CCSER1: variants seen among roughly 807,000 people sequenced by gnomAD.
CCSER1 encodes the protein coiled-coil serine rich protein 1.
CCSER1 carries 41 observed loss-of-function variants against 82.0 expected under a neutral mutation model. The ratio of observed to expected loss-of-function variants is 0.50; its 90% CI spans 0.39 to 0.65. The LOEUF (loss-of-function observed/expected upper bound fraction) is 0.65. CCSER1 is among the 30% of genes least tolerant of loss of function. The pLI is 0.00. For synonymous variants in CCSER1, 414 were observed against 383.9 expected (o/e 1.08, Z -0.92); for missense variants, 1,119 against 1,064.2 (o/e 1.05, Z -0.72).
At chr4:90,909,030 T>C (rs888195740) in intron 8 of CCSER1, among the ~76,000 whole-genome samples, 2 of 152,134 alleles carry the variant, frequency 1.3e-5, no homozygotes, top group African/African-American at 4.8e-5. Flanking sequence ...ATATTTCCTC[T>C]GAGGGCTCTA....
At chr4:91,248,169 A>T (rs1211635378) in intron 10 of CCSER1, among the ~76,000 whole-genome samples, 3 of 152,358 alleles carry the variant, frequency 2.0e-5, no homozygotes, top group African/African-American at 7.2e-5. Flanking sequence ...TATAATCCAA[A>T]GTATAAGATA....
chr4:91,561,995 T>A lies in CCSER1; in HGVS notation c.2218-36577T>A, dbSNP rs377765868. Among the ~76,000 whole-genome samples, 17 of 151,482 alleles carry A rather than the reference T, an allele frequency of 1.1e-4. 1 individual carries two copies. The East Asian group carries it at 1.7e-3, about 16-fold the overall frequency. On this transcript the variant is annotated intron_variant, in intron 10 of 10. Coordinates refer to ENST00000509176, the MANE Select transcript of CCSER1 (RefSeq NM_001145065.2). ...TTTATCTGACCTCATAAGAGCAGTT[T>A]CATAGTTTATTCAGGACTTGGATGA...
At chr4:90,352,284 A>G (rs1743599819) in intron 3 of CCSER1, among the ~76,000 whole-genome samples, 1 of 152,200 alleles carries the variant, frequency 6.6e-6, no homozygotes, top group Non-Finnish European at 1.5e-5. Flanking sequence ...AGATTGCGCC[A>G]CTGCACTCCA....
intron 9 of CCSER1, among the ~76,000 whole-genome samples, chr4:90,976,856 C>G (rs72884710): frequency 2.0e-5 from 3 of 151,360 alleles, no homozygotes; most frequent in Non-Finnish European, 4.4e-5. Flanking sequence ...CTCTGTGGTA[C>G]ACACAGAAAA....
intron 10 of CCSER1, among the ~76,000 whole-genome samples, chr4:91,171,101 A>G (rs1732701533): frequency 6.6e-6 from 1 of 152,222 alleles, no homozygotes; most frequent in Admixed American, 6.5e-5. Context: ...CCAAAATAGA[A>G]TAGAAACATA....
intron 10 of CCSER1, among the ~76,000 whole-genome samples, chr4:91,119,921 G>A (rs1726939815): frequency 6.6e-6 from 1 of 151,966 alleles, no homozygotes; most frequent in African/African-American, 2.4e-5. Context: ...GATGGGGACA[G>A]TTTGGAAAAG....
At chr4:91,026,426 G>C (rs1159273656) in intron 9 of CCSER1, among the ~76,000 whole-genome samples, 1 of 151,992 alleles carries the variant, frequency 6.6e-6, no homozygotes, top group African/African-American at 2.4e-5. Context: ...ATCATTCCTT[G>C]AAGTTAACTT....
chr4:90,232,280 G>A (rs1374960001), intron 1 of CCSER1, among the ~76,000 whole-genome samples: 3 of 150,846 alleles, frequency 2.0e-5, no homozygotes, highest in Admixed American at 6.6e-5. Flanking sequence ...CAGAGATGTA[G>A]ATCAATGGAA....
intron 4 of CCSER1, among the ~76,000 whole-genome samples, chr4:90,462,176 C>G (rs1306289703): frequency 6.8e-6 from 1 of 146,912 alleles, no homozygotes; most frequent in Non-Finnish European, 1.5e-5. Flanking sequence ...TTTACAATAC[C>G]AAAATGTCAT....
At chr4:90,653,439 GA>G (rs1026121518) in intron 6 of CCSER1, among the ~76,000 whole-genome samples, 7 of 150,210 alleles carry the variant, frequency 4.7e-5, no homozygotes, top group Non-Finnish European at 1.0e-4. Flanking sequence ...AATACAAATT[GA>G]AAAAAAAATT....
At chr4:91,071,434 C>G (rs1721423381) in intron 9 of CCSER1, among the ~76,000 whole-genome samples, 1 of 152,022 alleles carries the variant, frequency 6.6e-6, no homozygotes, top group African/African-American at 2.4e-5. Context: ...ATGCAGATAT[C>G]TAGGTGAAGA....
At chr4:91,026,174 A>C (rs1339862404) in intron 9 of CCSER1, among the ~76,000 whole-genome samples, 4 of 152,180 alleles carry the variant, frequency 2.6e-5, no homozygotes, top group Non-Finnish European at 5.9e-5. Context: ...AGGAACATGC[A>C]TGACACCTAA....
intron 9 of CCSER1, among the ~76,000 whole-genome samples, chr4:90,964,932 T>C (rs1734413938): frequency 6.6e-6 from 1 of 152,022 alleles, no homozygotes; most frequent in Admixed American, 6.6e-5. Flanking sequence ...GTTGCCTTGC[T>C]ATCCGGTGAC....
rs183642065 is a variant in CCSER1 at position 91,107,213 on chromosome 4, C to T, written c.2217+21219C>T. Among the ~76,000 whole-genome samples, 6 of 152,134 alleles carry T rather than the reference C, an allele frequency of 3.9e-5. No individual in the cohort carries two copies. In the East Asian group the frequency reaches 5.8e-4, roughly 15 times the overall value. ...CTATGCCATCTAGGTTTGTGTAAGTCGAATCTTTGATGTTCACACAATAAT... is the reference window on the plus strand; with the variant it reads ...CTATGCCATCTAGGTTTGTGTAAGTTGAATCTTTGATGTTCACACAATAAT... On this transcript the variant is annotated intron_variant, in intron 10 of 10. Transcript: ENST00000509176.
intron 7 of CCSER1, among the ~76,000 whole-genome samples, chr4:90,770,841 T>C (rs1751984716): frequency 6.6e-6 from 1 of 152,176 alleles, no homozygotes; most frequent in Admixed American, 6.5e-5. Context: ...ATAGTAAAAA[T>C]TATAGGAGCC....
chr4:90,313,157 A>G, intron 3 of CCSER1, 110 bp downstream of exon 3: 1 of 941,960 alleles, frequency 1.1e-6, no homozygotes, highest in Non-Finnish European at 1.6e-6. Flanking sequence ...CTCATATTTG[A>G]AGGGAAAATT....
chr4:90,131,692 C>G (rs1722857215), intron 1 of CCSER1, among the ~76,000 whole-genome samples: 1 of 152,086 alleles, frequency 6.6e-6, no homozygotes, highest in Non-Finnish European at 1.5e-5. Flanking sequence ...AATAGTTAAT[C>G]TATCCATATA....
intron 5 of CCSER1, among the ~76,000 whole-genome samples, chr4:90,616,731 AC>A (rs1560819856): frequency 1.2e-5 from 1 of 80,100 alleles, no homozygotes; most frequent in Non-Finnish European, 2.7e-5. Context: ...ACACACACAC[AC>A]ACACACAAAT....
At chr4:90,657,053 A>G (rs1442634920) in intron 6 of CCSER1, among the ~76,000 whole-genome samples, 2 of 152,056 alleles carry the variant, frequency 1.3e-5, no homozygotes, top group Non-Finnish European at 1.5e-5. Context: ...ATACATTTCT[A>G]CATACAGTCA....
Sources: allele counts gnomAD v4.1 joint callset (sites outside exome capture counted in the v4.1 genomes callset), GRCh38; gene constraint gnomAD v4.1.1; transcripts MANE v1.5; gene names NCBI Gene and HGNC (gene_info 2026-07-23, HGNC 2026-07-21).